The following RFX2 variants were observed in gnomAD, a reference collection of about 807,000 sequenced individuals.
RFX2 encodes DNA-binding protein RFX2.
In RFX2, 20 loss-of-function variants were observed where a neutral mutation model predicts 87.8. That is an observed-to-expected ratio of 0.23 (90% CI 0.16 to 0.33). The LOEUF is 0.33. RFX2 is among the 10% of genes least tolerant of loss of function. RFX2 has a pLI of 1.00. For missense variants in RFX2, 767 were observed against 1,012.3 expected (o/e 0.76, Z 3.29); for synonymous variants, 397 against 431.3 (o/e 0.92, Z 0.98).
chr19:6,037,313 C>T (rs574141452), intron 5 of RFX2, among the ~76,000 whole-genome samples: 17 of 148,530 alleles, frequency 1.1e-4, no homozygotes, highest in African/African-American at 4.0e-4. Context: ...AAAGTGAGTT[C>T]AGCAAGATTA....
chr19:6,004,132 C>T lies in RFX2; in HGVS notation c.1500+69G>A. ...CAGCGCTCTCTGGGACACAGTGGTC[C>T]TCATGCTGTCCTGGACTGGAGCCCC... On this transcript the variant is annotated intron_variant, in intron 13 of 17. Coordinates refer to ENST00000303657, the MANE Select transcript of RFX2 (RefSeq NM_000635.4). The surrounding 1 kb of genome is among the most constrained non-coding windows in gnomAD (Gnocchi z 4.8). The T allele has an allele frequency of 8.5e-7, 1 of 1,171,228 alleles. No individual in the cohort carries two copies. Among genetic ancestry groups the T allele is most frequent in the Non-Finnish European group, 1.3e-6 (1 of 777,258 alleles). 72.6% of individuals were successfully genotyped at this position (1,171,228 alleles called of 1,614,324 possible).
At chr19:6,093,379 C>CA (rs2087972001) in intron 1 of RFX2, among the ~76,000 whole-genome samples, 1 of 152,058 alleles carries the variant, frequency 6.6e-6, no homozygotes, top group East Asian at 1.9e-4. Flanking sequence ...TACTAAAATA[C>CA]AAAAAATTTG....
At chr19:6,108,472 T>G (rs2088255243) in intron 1 of RFX2, among the ~76,000 whole-genome samples, 1 of 152,134 alleles carries the variant, frequency 6.6e-6, no homozygotes, top group South Asian at 2.1e-4. Context: ...AGGCAAAAAT[T>G]TTTTTAAAAA....
Position 6,045,998 on chromosome 19 carries a change from G to A in RFX2, c.90+1409C>T, listed in dbSNP as rs920128237. Among the ~76,000 whole-genome samples the A allele has an allele frequency of 1.3e-5, 2 of 152,064 alleles. No individual in the cohort carries two copies. Among genetic ancestry groups the A allele is most frequent in the African/African-American group, 4.8e-5 (2 of 41,414 alleles). On this transcript the variant is annotated intron_variant, in intron 2 of 17. Coordinates refer to ENST00000303657, the MANE Select transcript of RFX2 (RefSeq NM_000635.4). This position sits in a 1 kb window ranked among gnomAD's most constrained non-coding sequence, Gnocchi z 5.2. ...CACCATGCCTGGCCCTGAATTGTGT[G>A]TTTTAAAACCATAATCATTTCTTTT...
rs1214658051 is a variant in RFX2, at chr19:6,010,243, G to T, written c.908C>A (p.Pro303Gln). 8 of 1,546,394 alleles carry T rather than the reference G, an allele frequency of 5.2e-6. No individual in the cohort carries two copies. The highest frequency in any genetic ancestry group is 7.0e-6 in the Non-Finnish European group (8 of 1,146,278). Residue 303 changes from proline to glutamine, a missense_variant, in exon 9 of 18, where the codon CCA becomes CAA. By Grantham distance (76) the Pro-to-Gln change is moderately conservative (BLOSUM62 -1). Transcript: ENST00000303657. The surrounding 1 kb of genome is among the most constrained non-coding windows in gnomAD (Gnocchi z 5.0). ...QPMHQKPRYR[P>Q]AQKTDSLGDS... ...CCCGAGGCTGTCCGTCTTCTGGGCT[G>T]GCCGGTACCTAGGCCAGGAACACGC...
At chr19:6,104,352 G>A (rs1223056158) in intron 1 of RFX2, among the ~76,000 whole-genome samples, 2 of 151,890 alleles carry the variant, frequency 1.3e-5, no homozygotes, top group South Asian at 4.2e-4. Flanking sequence ...GGCGGATCAT[G>A]AGGTCAGGAG....
In RFX2 at chr19:6,002,913, G is replaced by A; in HGVS notation, c.1501-43C>T. 6.4e-7 allele frequency: 1 copy of A among 1,569,350 alleles called. No individual in the cohort carries two copies. Among genetic ancestry groups the A allele is most frequent in the Non-Finnish European group, 8.6e-7 (1 of 1,163,058 alleles). ...TGGTGAGCAGGGGTTCGCAGGGAGA[G>A]CCTGTTCCGCTGCGCTCCTTGCAGG... On this transcript the variant is annotated intron_variant, in intron 13 of 17. Transcript: ENST00000303657. The surrounding 1 kb of genome is among the most constrained non-coding windows in gnomAD (Gnocchi z 6.7).
Position 6,040,054 on chromosome 19 carries a change from C to A in RFX2, c.448G>T (p.Ala150Ser), listed in dbSNP as rs761110551. ...GGSPIVSSAGAYLIHGGMDST... is the reference protein window; with the variant it reads ...GGSPIVSSAGSYLIHGGMDST... ...TCCATCCCCCCGTGGATGAGATAGG[C>A]TCCCGCGCTGGAGACGATGGGGCTC... The change falls in exon 5 of 18, where the codon GCC becomes TCC. Residue 150 changes from alanine (A) to serine (S), a missense_variant. By Grantham distance (99) the Ala-to-Ser change is moderately conservative (BLOSUM62 1). This residue lies in a region of RFX2 where 621 missense variants were observed against 873.0 expected (regional missense o/e 0.71). Coordinates refer to ENST00000303657, the MANE Select transcript of RFX2 (RefSeq NM_000635.4). The surrounding 1 kb of genome is among the most constrained non-coding windows in gnomAD (Gnocchi z 6.1). 1.9e-6 allele frequency: 3 copies of A among 1,611,510 alleles called. No homozygotes were observed.
In RFX2 at chr19:6,050,361, A is replaced by G. The variant is rs1263727590; in HGVS notation, c.-8-2857T>C. Among the ~76,000 whole-genome samples, 1 of 152,214 alleles carries G rather than the reference A, an allele frequency of 6.6e-6. No individual in the cohort carries two copies. The highest frequency in any genetic ancestry group is 2.4e-5 in the African/African-American group (1 of 41,450). ...AGAAAGAGTAACAAATAAAAAGAAA[A>G]AAGAAAAGCAGTTAATTATAACCAA... On this transcript the variant is annotated intron_variant, in intron 1 of 17. Coordinates refer to ENST00000303657, the MANE Select transcript of RFX2 (RefSeq NM_000635.4). This position sits in a 1 kb window ranked among gnomAD's most constrained non-coding sequence, Gnocchi z 4.6.
In RFX2 at chr19:6,061,718, G is replaced by A. The variant is rs1054555378; in HGVS notation, c.-8-14214C>T. Among the ~76,000 whole-genome samples, 1 of 152,186 alleles carries A rather than the reference G, an allele frequency of 6.6e-6. No homozygotes were observed. Among genetic ancestry groups the A allele is most frequent in the African/African-American group, 2.4e-5 (1 of 41,454 alleles). On this transcript the variant is annotated intron_variant, in intron 1 of 17. Transcript: ENST00000303657. The surrounding 1 kb of genome is among the most constrained non-coding windows in gnomAD (Gnocchi z 5.2). ...GGCTGGGAAGGAGGTATGACCACCCGGAGCAGAGGGAGGAGGCCAGGCTTC... is the reference window on the plus strand; with the variant it reads ...GGCTGGGAAGGAGGTATGACCACCCAGAGCAGAGGGAGGAGGCCAGGCTTC...
chr19:6,054,356 TA>T (rs1174279505), intron 1 of RFX2, among the ~76,000 whole-genome samples: 1 of 151,856 alleles, frequency 6.6e-6, no homozygotes, highest in Non-Finnish European at 1.5e-5. Flanking sequence ...CATCAGAAAA[TA>T]AAAAAAGAAT....
At position 6,010,024 on chromosome 19, in the gene RFX2, A is replaced by G; in HGVS notation, c.1015+112T>C. On this transcript the variant is annotated intron_variant, in intron 9 of 17. Coordinates refer to ENST00000303657, the MANE Select transcript of RFX2 (RefSeq NM_000635.4). This position sits in a 1 kb window ranked among gnomAD's most constrained non-coding sequence, Gnocchi z 5.0. Reference sequence around the variant, plus strand: ...TATTTGTCCGAAAAGGTGTCTCGTAAGAAAACTGTCGGAAGCAGACGCTTA... The same window carrying G: ...TATTTGTCCGAAAAGGTGTCTCGTAGGAAAACTGTCGGAAGCAGACGCTTA... 1 of 561,814 alleles carries G rather than the reference A, an allele frequency of 1.8e-6. No individual in the cohort carries two copies. Among genetic ancestry groups the G allele is most frequent in the South Asian group, 3.3e-5 (1 of 30,636 alleles). The allele number at this position is 561,814 out of a possible 1,614,324, so 34.8% of individuals were successfully genotyped here.
chr19:5,999,938 ACAGGGGTGCTGGCTGGCCAGCTGAGGG>A lies in RFX2; in HGVS notation c.1859+1850_1859+1876del, dbSNP rs1444193514. On this transcript the variant is annotated intron_variant, in intron 15 of 17. Coordinates refer to ENST00000303657, the MANE Select transcript of RFX2 (RefSeq NM_000635.4). This position sits in a 1 kb window ranked among gnomAD's most constrained non-coding sequence, Gnocchi z 4.1. ...GGAGTGTGTAAGGAGACAGCTGAGA[ACAGGGGTGCTGGCTGGCCAGCTGAGGG>A]GTCAGCAAACTTGTTCTTATTTTTT... Among the ~76,000 whole-genome samples the A allele has an allele frequency of 6.7e-6, 1 of 149,986 alleles. No individual in the cohort carries two copies. The highest frequency in any genetic ancestry group is 1.5e-5 in the Non-Finnish European group (1 of 67,706).
chr19:6,006,436 G>A lies in RFX2; in HGVS notation c.1402+576C>T, dbSNP rs924553775. Among the ~76,000 whole-genome samples the A allele has an allele frequency of 2.0e-5, 3 of 151,028 alleles. No individual in the cohort carries two copies. In the South Asian group the frequency reaches 6.3e-4, roughly 31 times the overall value. On this transcript the variant is annotated intron_variant, in intron 12 of 17. Coordinates refer to ENST00000303657, the MANE Select transcript of RFX2 (RefSeq NM_000635.4). The stretch of plus-strand genomic sequence containing the variant: ...AGCCTCCAGAGTAGCTAGGGCTACA[G>A]GCACACACCACCATGCCCAGCTCAT...
At chr19:6,097,053 A>G (rs1379019653) in intron 1 of RFX2, among the ~76,000 whole-genome samples, 1 of 152,202 alleles carries the variant, frequency 6.6e-6, no homozygotes, top group Non-Finnish European at 1.5e-5. Flanking sequence ...GAATCAATAC[A>G]AGACCAGTTT....
In RFX2 at chr19:6,021,770, C is replaced by G. The variant is rs2086814535; in HGVS notation, c.597+4393G>C. 6.6e-6 allele frequency among the ~76,000 whole-genome samples: 1 copy of G among 152,192 alleles called. No individual in the cohort carries two copies. The highest frequency in any genetic ancestry group is 2.4e-5 in the African/African-American group (1 of 41,444). ...CAACACTCGGTTCTACTTGGAGGGC[C>G]AAGGGGAGCCCTGGAGGCTTCCAAG... On this transcript the variant is annotated intron_variant, in intron 6 of 17. Transcript: ENST00000303657. The surrounding 1 kb of genome is among the most constrained non-coding windows in gnomAD (Gnocchi z 5.7).
At chr19:6,098,677 T>C (rs1315617345) in intron 1 of RFX2, among the ~76,000 whole-genome samples, 1 of 151,394 alleles carries the variant, frequency 6.6e-6, no homozygotes, top group East Asian at 1.9e-4. Context: ...TGGGAAGGCC[T>C]AAAAAAGAAC....
chr19:6,031,159 C>T (rs1003002329), intron 5 of RFX2, among the ~76,000 whole-genome samples: 2 of 152,094 alleles, frequency 1.3e-5, no homozygotes, highest in African/African-American at 4.8e-5. Flanking sequence ...ATACCTGAGT[C>T]CGAATAATCA....
chr19:6,069,513 C>T (rs1224488660), intron 1 of RFX2, among the ~76,000 whole-genome samples: 1 of 152,222 alleles, frequency 6.6e-6, no homozygotes, highest in East Asian at 1.9e-4. Flanking sequence ...ATAAGACTAT[C>T]TGGGCTCACC....
Sources: allele counts gnomAD v4.1 joint callset (sites outside exome capture counted in the v4.1 genomes callset), GRCh38; gene constraint gnomAD v4.1.1; regional missense constraint gnomAD v4.1.1; non-coding constraint Gnocchi (gnomAD v3.1); transcripts MANE v1.5; gene names NCBI Gene and HGNC (gene_info 2026-07-23, HGNC 2026-07-21).